The following MEF2D variants were observed in gnomAD, a reference collection of about 807,000 sequenced individuals.
The protein encoded by MEF2D is myocyte enhancer factor 2D.
A neutral mutation model predicts 59.3 loss-of-function variants in MEF2D; 10 were observed. The ratio of observed to expected loss-of-function variants is 0.17; its 90% CI spans 0.10 to 0.29. The LOEUF (loss-of-function observed/expected upper bound fraction) is 0.29. MEF2D is among the 10% of genes least tolerant of loss of function. MEF2D has a pLI of 1.00. For missense variants in MEF2D, 508 were observed against 699.4 expected (o/e 0.73, Z 3.09); for synonymous variants, 305 against 295.0 (o/e 1.03, Z -0.35).
At chr1:156,485,132 C>A (rs1192294213) in intron 1 of MEF2D, among the ~76,000 whole-genome samples, 4 of 152,042 alleles carry the variant, frequency 2.6e-5, no homozygotes, top group African/African-American at 7.2e-5. Context: ...GGGATGTAGA[C>A]CCCCAGCCAC....
At chr1:156,486,995 C>A (rs1280024466) in intron 1 of MEF2D, among the ~76,000 whole-genome samples, 1 of 152,202 alleles carries the variant, frequency 6.6e-6, no homozygotes, top group East Asian at 1.9e-4. Context: ...ACCACCTACC[C>A]TCCAACCACC....
intron 9 of MEF2D, among the ~76,000 whole-genome samples, chr1:156,471,907 T>C (rs1671256304): frequency 6.6e-6 from 1 of 152,192 alleles, no homozygotes; most frequent in African/African-American, 2.4e-5. Context: ...TGAGAGGAGA[T>C]GAGAAATCTC....
intron 1 of MEF2D, among the ~76,000 whole-genome samples, chr1:156,491,201 C>T (rs1313946267): frequency 6.6e-6 from 1 of 152,118 alleles, no homozygotes; most frequent in Non-Finnish European, 1.5e-5. Context: ...GGGTTCTAGT[C>T]CCTGCTCTGG....
In MEF2D at chr1:156,465,227, G is replaced by A. The variant is rs1444631141; in HGVS notation, c.*2418C>T. Reference sequence around the variant, plus strand: ...CAGCTGAGGGAGAAGCTTCACGGAGGAAGAGGGACTTGAGTTTTGCTCTGA... The same window carrying A: ...CAGCTGAGGGAGAAGCTTCACGGAGAAAGAGGGACTTGAGTTTTGCTCTGA... On this transcript the variant is annotated 3_prime_UTR_variant, in exon 12 of 12. Transcript: ENST00000348159. 6.6e-6 allele frequency: 1 copy of A among 152,474 alleles called. No homozygotes were observed. The highest frequency in any genetic ancestry group is 1.5e-5 in the Non-Finnish European group (1 of 68,220). The allele number at this position is 152,474 out of a possible 1,614,324, so 9.4% of individuals were successfully genotyped here. A position where few individuals can be genotyped will look rare whatever the true frequency, so the allele number is the denominator to read the frequency against.
At chr1:156,474,957 TA>T in intron 9 of MEF2D, 150 bp downstream of exon 9, 1 of 1,124,594 alleles carries the variant, frequency 8.9e-7, no homozygotes, top group Non-Finnish European at 1.3e-6. Flanking sequence ...TTTTATTTGC[TA>T]AACCTGTTAA....
At position 156,468,159 on chromosome 1, in the gene MEF2D, C is replaced by A. The variant is rs774925958; in HGVS notation, c.1388G>T (p.Arg463Leu). ...PPPPAVFPAA[R>L]PEPGDGLSSP... ...GCTGAGACCATCGCCAGGCTCAGGG[C>A]GGGCAGCTGGGAACACAGCTGGAGG... Residue 463 changes from arginine to leucine, a missense_variant, in exon 11 of 12, where the codon CGC becomes CTC. Arg to Leu is a moderately radical substitution (Grantham distance 102). Around this residue, in one of 2 missense-constraint regions of MEF2D, gnomAD observed 481 missense variants for 584.7 expected, o/e 0.82. Transcript: ENST00000348159. This position sits in a 1 kb window ranked among gnomAD's most constrained non-coding sequence, Gnocchi z 4.3. 5 of 1,613,886 alleles carry A rather than the reference C, an allele frequency of 3.1e-6. No individual in the cohort carries two copies. The East Asian group carries it at 6.7e-5, about 22-fold the overall frequency.
At chr1:156,471,481 G>A (rs1472344193) in intron 9 of MEF2D, among the ~76,000 whole-genome samples, 1 of 152,228 alleles carries the variant, frequency 6.6e-6, no homozygotes, top group African/African-American at 2.4e-5. Context: ...GCCCAGAACA[G>A]TACAGTGCCT....
chr1:156,482,308 T>C lies in MEF2D; in HGVS notation c.258+129A>G, dbSNP rs568555805. The C allele has an allele frequency of 8.4e-6, 8 of 948,670 alleles. No homozygotes were observed. In the African/African-American group the frequency reaches 1.3e-4, roughly 15 times the overall value. 58.8% of individuals were successfully genotyped at this position (948,670 alleles called of 1,614,324 possible). ...GGGTTTGCATGTGTGTGCGCACAGG[T>C]GAGGGGCTACAAGGGGCATGTATAC... On this transcript the variant is annotated intron_variant, in intron 3 of 11. Transcript: ENST00000348159.
At chr1:156,482,702 A>G in intron 2 of MEF2D, 62 bp from the exon 3 acceptor site, 1 of 1,501,912 alleles carries the variant, frequency 6.7e-7, no homozygotes, top group African/African-American at 1.4e-5. Flanking sequence ...TGGGAGTCCC[A>G]GCCTACAGAT....
chr1:156,481,071 G>T (rs1006743862), intron 3 of MEF2D, 100 bp from the exon 4 acceptor site: 9 of 1,535,418 alleles, frequency 5.9e-6, no homozygotes, highest in South Asian at 1.2e-5. Context: ...ACTCTTCCCC[G>T]ACCTCCTTCT....
At chr1:156,485,352 G>A (rs535370297) in intron 1 of MEF2D, among the ~76,000 whole-genome samples, 1 of 152,182 alleles carries the variant, frequency 6.6e-6, no homozygotes, top group Admixed American at 6.5e-5. Flanking sequence ...AGGAGGAGAG[G>A]GAAGGCAAGG....
At chr1:156,486,496 G>C (rs577866180) in intron 1 of MEF2D, among the ~76,000 whole-genome samples, 1 of 152,254 alleles carries the variant, frequency 6.6e-6, no homozygotes, top group East Asian at 1.9e-4. Flanking sequence ...CTGGCTTACA[G>C]CATCTACCCT....
chr1:156,499,988 G>A (rs1369872978), intron 1 of MEF2D, among the ~76,000 whole-genome samples: 2 of 144,560 alleles, frequency 1.4e-5, no homozygotes, highest in Admixed American at 6.8e-5. Context: ...GGCTCCCCCC[G>A]CCTCCACCCT....
chr1:156,472,434 T>TACACACAG (rs1427127956), intron 9 of MEF2D, among the ~76,000 whole-genome samples: 5 of 152,228 alleles, frequency 3.3e-5, no homozygotes, highest in Non-Finnish European at 7.3e-5. Flanking sequence ...GGGTGGTAAC[T>TACACACAG]ACACACAGAC....
At position 156,467,664 on chromosome 1, in the gene MEF2D, G is replaced by A; in HGVS notation, c.1555-8C>T. 3.7e-6 allele frequency: 5 copies of A among 1,341,168 alleles called. No individual in the cohort carries two copies. The highest frequency in any genetic ancestry group is 4.8e-6 in the Non-Finnish European group (5 of 1,038,104). The allele number at this position is 1,341,168 out of a possible 1,614,324, so 83.1% of individuals were successfully genotyped here. A position where few individuals can be genotyped will look rare whatever the true frequency, so the allele number is the denominator to read the frequency against. On this transcript the variant is annotated splice_region_variant and splice_polypyrimidine_tract_variant and intron_variant, in intron 11 of 11. Transcript: ENST00000348159. ...GAATCGTCACTTTAATGTCTGTGAA[G>A]AGAGGAGATGGAGAAGGGGGTGTGA...
At chr1:156,471,470 A>C (rs895581799) in intron 9 of MEF2D, among the ~76,000 whole-genome samples, 2 of 152,200 alleles carry the variant, frequency 1.3e-5, no homozygotes, top group Non-Finnish European at 2.9e-5. Flanking sequence ...TAGGAAGCCA[A>C]GCCCAGAACA....
Position 156,466,714 on chromosome 1 carries a change from C to G in MEF2D, c.*931G>C, listed in dbSNP as rs1670868991. 1 of 152,906 alleles carries G rather than the reference C, an allele frequency of 6.5e-6. No homozygotes were observed. Among genetic ancestry groups the G allele is most frequent in the African/African-American group, 2.4e-5 (1 of 41,454 alleles). 9.5% of individuals were successfully genotyped at this position (152,906 alleles called of 1,614,324 possible). On this transcript the variant is annotated 3_prime_UTR_variant, in exon 12 of 12. Transcript: ENST00000348159. The stretch of plus-strand genomic sequence containing the variant: ...CCCCAGCCACCTCACTGAAGACCCT[C>G]TCCCCATTCTCCCTGCACACTGTGG...
intron 3 of MEF2D, among the ~76,000 whole-genome samples, chr1:156,481,554 A>G (rs1245125530): frequency 7.2e-5 from 11 of 152,216 alleles, no homozygotes; most frequent in Non-Finnish European, 5.9e-5. Context: ...TAGTGGAGGC[A>G]CATCTGGGGG....
At position 156,467,633 on chromosome 1, in the gene MEF2D, G is replaced by T. The variant is rs746871461; in HGVS notation, c.*12C>A. 1 of 1,322,406 alleles carries T rather than the reference G, an allele frequency of 7.6e-7. No homozygotes were observed. The highest frequency in any genetic ancestry group is 9.7e-7 in the Non-Finnish European group (1 of 1,027,034). 81.9% of individuals were successfully genotyped at this position (1,322,406 alleles called of 1,614,324 possible). The stretch of plus-strand genomic sequence containing the variant: ...TTCATCAGGGAGGCTGAGAGGAGGG[G>T]AGTGGGAATCGTCACTTTAATGTCT... On this transcript the variant is annotated 3_prime_UTR_variant, in exon 12 of 12. Transcript: ENST00000348159.
Sources: gnomAD v4.1 joint callset for allele counts (sites outside exome capture counted in the v4.1 genomes callset) on GRCh38, gnomAD v4.1.1 for gene constraint, gnomAD v4.1.1 regional missense constraint, Gnocchi (gnomAD v3.1) non-coding constraint, MANE v1.5 for transcripts, NCBI Gene and HGNC (gene_info 2026-07-23, HGNC 2026-07-21) for gene names.